ITGA8: variants seen among roughly 807,000 people sequenced by gnomAD.
ITGA8 encodes integrin subunit alpha 8, also known as integrin alpha-8.
In ITGA8, 91 loss-of-function variants were observed where a neutral mutation model predicts 142.3. The observed-to-expected ratio is 0.64, with a 90% confidence interval of 0.54 to 0.76. The LOEUF (loss-of-function observed/expected upper bound fraction) is 0.76. Among genes scored for constraint, ITGA8 ranks in the 30% least tolerant of loss-of-function variants. ITGA8 has a pLI of 0.00. For synonymous variants in ITGA8, 505 were observed against 485.2 expected (o/e 1.04, Z -0.54); for missense variants, 1,406 against 1,327.7 (o/e 1.06, Z -0.92).
At chr10:15,712,002 A>G (rs1835372362) in intron 2 of ITGA8, among the ~76,000 whole-genome samples, 1 of 152,170 alleles carries the variant, frequency 6.6e-6, no homozygotes, top group Non-Finnish European at 1.5e-5. Flanking sequence ...TATCAGATGT[A>G]TTTGGTTTTA....
intron 27 of ITGA8, among the ~76,000 whole-genome samples, chr10:15,537,203 G>A (rs1225469984): frequency 6.6e-6 from 1 of 152,182 alleles, no homozygotes; most frequent in African/African-American, 2.4e-5. Flanking sequence ...TTCTAGCCTG[G>A]ATTAGGAGGG....
rs1483864206 is a variant in ITGA8, at chr10:15,529,148, G to A, written c.2982+1902C>T. 2.6e-5 allele frequency among the ~76,000 whole-genome samples: 4 copies of A among 151,740 alleles called. No homozygotes were observed. In the South Asian group the frequency reaches 6.2e-4, roughly 24 times the overall value. On this transcript the variant is annotated intron_variant, in intron 28 of 29. Coordinates refer to ENST00000378076, the MANE Select transcript of ITGA8 (RefSeq NM_003638.3). ...CGCCCAGGTTGAGTGCAGTGCATGC[G>A]ATCATAGCTCACTGTAACCTTGAAC... is the stretch of plus-strand genomic sequence containing the variant.
In ITGA8 at chr10:15,531,067, G is replaced by T; in HGVS notation, c.2965C>A (p.Pro989Thr). Reference protein sequence around the residue: ...MPYTDQPAKLPEGSIVIKTSV... With the variant: ...MPYTDQPAKLTEGSIVIKTSV... ...ATACTCACTACTATGCTTCCTTCTGGGAGTTTTGCTGGCTGATCTGTATAA... is the reference window on the plus strand; with the variant it reads ...ATACTCACTACTATGCTTCCTTCTGTGAGTTTTGCTGGCTGATCTGTATAA... Residue 989 changes from proline to threonine, a missense_variant, in exon 28 of 30, where the codon CCA becomes ACA. Coordinates refer to ENST00000378076, the MANE Select transcript of ITGA8 (RefSeq NM_003638.3). The T allele has an allele frequency of 6.4e-7, 1 of 1,555,626 alleles. No individual in the cohort carries two copies. The highest frequency in any genetic ancestry group is 8.7e-7 in the Non-Finnish European group (1 of 1,143,364).
chr10:15,614,675 G>A (rs896431), intron 14 of ITGA8, among the ~76,000 whole-genome samples: 102,339 of 151,942 alleles, frequency 0.67, 35,661 homozygotes, highest in South Asian at 0.86. Flanking sequence ...AGGGAGAAAT[G>A]AAGCCATGTT....
At chr10:15,610,171 A>G (rs10737005) in intron 15 of ITGA8, among the ~76,000 whole-genome samples, 2 of 151,982 alleles carry the variant, frequency 1.3e-5, no homozygotes, top group African/African-American at 4.8e-5. Context: ...CCTGCCAGTT[A>G]ATAGATTACT....
intron 24 of ITGA8, among the ~76,000 whole-genome samples, chr10:15,574,905 A>T (rs961796147): frequency 9.6e-5 from 14 of 145,762 alleles, no homozygotes; most frequent in African/African-American, 3.4e-4. Context: ...CCAAATATTT[A>T]AAAAAATGGA....
intron 8 of ITGA8, among the ~76,000 whole-genome samples, chr10:15,662,932 C>T (rs1834316718): frequency 6.6e-6 from 1 of 152,154 alleles, no homozygotes; most frequent in Non-Finnish European, 1.5e-5. Context: ...AACAAAGGCT[C>T]TTAACCTTTT....
intron 15 of ITGA8, among the ~76,000 whole-genome samples, chr10:15,609,877 A>G (rs1833260687): frequency 6.6e-6 from 1 of 152,234 alleles, no homozygotes; most frequent in African/African-American, 2.4e-5. Flanking sequence ...TATTTTTAAT[A>G]CAAACAATTC....
At chr10:15,607,495 C>T (rs1833216090) in intron 17 of ITGA8, among the ~76,000 whole-genome samples, 182 bp downstream of exon 17, 1 of 152,150 alleles carries the variant, frequency 6.6e-6, no homozygotes, top group Admixed American at 6.5e-5. Context: ...AACACATCAT[C>T]AGGTTAGTTG....
At chr10:15,591,840 C>T (rs970127356) in intron 22 of ITGA8, among the ~76,000 whole-genome samples, 2 of 152,230 alleles carry the variant, frequency 1.3e-5, no homozygotes, top group African/African-American at 4.8e-5. Context: ...TCAGGATGGC[C>T]ATTGCAAAAT....
At chr10:15,628,842 A>G (rs1468308535) in intron 13 of ITGA8, among the ~76,000 whole-genome samples, 2 of 151,994 alleles carry the variant, frequency 1.3e-5, no homozygotes, top group African/African-American at 4.8e-5. Context: ...CCCCATAACT[A>G]CAAATATTAT....
chr10:15,691,437 A>G (rs1198494244), intron 2 of ITGA8, among the ~76,000 whole-genome samples: 1 of 152,208 alleles, frequency 6.6e-6, no homozygotes, highest in Admixed American at 6.5e-5. Flanking sequence ...ATATGGGATC[A>G]TCTTAGGTGT....
chr10:15,651,935 G>T (rs1406959276), intron 11 of ITGA8, among the ~76,000 whole-genome samples: 2 of 152,154 alleles, frequency 1.3e-5, no homozygotes, highest in Non-Finnish European at 2.9e-5. Context: ...AAAACAGCAA[G>T]TGATATACTG....
intron 27 of ITGA8, among the ~76,000 whole-genome samples, chr10:15,546,659 G>A (rs1170920328): frequency 3.3e-5 from 5 of 150,188 alleles, no homozygotes; most frequent in Admixed American, 2.7e-4. Flanking sequence ...CAGAGATTGA[G>A]AAACTCTGCC....
At chr10:15,616,799 A>G (rs562966656) in intron 13 of ITGA8, among the ~76,000 whole-genome samples, 4 of 152,266 alleles carry the variant, frequency 2.6e-5, no homozygotes, top group Admixed American at 6.5e-5. Context: ...AGGAAGGTCA[A>G]TTTCTAGAAA....
chr10:15,593,689 G>A (rs985029545), intron 21 of ITGA8, among the ~76,000 whole-genome samples: 72 of 152,254 alleles, frequency 4.7e-4, no homozygotes, highest in African/African-American at 1.7e-3. Flanking sequence ...TTCGAGCTAC[G>A]TACTGTCCGA....
At chr10:15,640,223 C>T (rs1461339500) in intron 13 of ITGA8, among the ~76,000 whole-genome samples, 2 of 152,192 alleles carry the variant, frequency 1.3e-5, no homozygotes, top group African/African-American at 2.4e-5. Context: ...CTCTACGGCC[C>T]GTGTTCCACG....
At chr10:15,613,495 A>C (rs373984544) in intron 15 of ITGA8, 165 bp downstream of exon 15, 1 of 647,006 alleles carries the variant, frequency 1.5e-6, no homozygotes. Context: ...TGCTACTCAA[A>C]CTTCGGCCAC....
chr10:15,702,195 C>T (rs543536093), intron 2 of ITGA8, among the ~76,000 whole-genome samples: 1 of 152,026 alleles, frequency 6.6e-6, no homozygotes, highest in South Asian at 2.1e-4. Context: ...CGTATGCATA[C>T]TATATACAAA....
Sources: allele counts gnomAD v4.1 joint callset (sites outside exome capture counted in the v4.1 genomes callset), GRCh38; gene constraint gnomAD v4.1.1; transcripts MANE v1.5; gene names NCBI Gene and HGNC (gene_info 2026-07-23, HGNC 2026-07-21).